Variants in TNR observed in about 807,000 individuals in gnomAD.
The protein encoded by TNR is tenascin-R.
A neutral mutation model predicts 150.4 loss-of-function variants in TNR; 45 were observed. The ratio of observed to expected loss-of-function variants is 0.30; its 90% confidence interval spans 0.24 to 0.38. The LOEUF is 0.38. Ranked by LOEUF, TNR falls within the 10% of genes least tolerant of loss-of-function variation. The pLI, the probability that TNR is intolerant of heterozygous loss-of-function variation, is 1.00. For missense variants in TNR, 1,544 were observed against 1,759.1 expected (o/e 0.88, Z 2.19); for synonymous variants, 687 against 678.4 (o/e 1.01, Z -0.20).
rs565826651 is a variant in TNR at position 175,316,966 on chromosome 1, A to G, written c.*6391T>C. The G allele has an allele frequency of 2.0e-5, 3 of 152,186 alleles. No homozygotes were observed. Among genetic ancestry groups the G allele is most frequent in the Admixed American group, 6.5e-5 (1 of 15,284 alleles). The allele number at this position is 152,186 out of a possible 1,614,324, so 9.4% of individuals were successfully genotyped here. ...GGTGGTCACTCAGCTAAATAAATAT[A>G]AAGAGCAGCCTCATGAAGTGGAAAA... On this transcript the variant is annotated 3_prime_UTR_variant, in exon 23 of 23. Transcript: ENST00000367674.
At chr1:175,372,009 A>ACAGC (rs1652128253) in intron 9 of TNR, among the ~76,000 whole-genome samples, 1 of 151,520 alleles carries the variant, frequency 6.6e-6, no homozygotes, top group African/African-American at 2.4e-5. Flanking sequence ...ATGGGGGTGG[A>ACAGC]TCCCTCATGA....
At chr1:175,347,716 TG>T (rs1409988204) in intron 18 of TNR, among the ~76,000 whole-genome samples, 2 of 152,134 alleles carry the variant, frequency 1.3e-5, no homozygotes, top group Non-Finnish European at 2.9e-5. Flanking sequence ...CCACTGCGCC[TG>T]GCCTAAATAG....
intron 2 of TNR, among the ~76,000 whole-genome samples, chr1:175,515,942 C>T (rs1232000749): frequency 1.3e-5 from 2 of 152,162 alleles, no homozygotes; most frequent in African/African-American, 4.8e-5. Flanking sequence ...AGTGGCAAAC[C>T]TGGAAGGTTC....
intron 2 of TNR, among the ~76,000 whole-genome samples, chr1:175,518,135 A>G (rs1174745674): frequency 6.6e-6 from 1 of 152,234 alleles, no homozygotes; most frequent in Non-Finnish European, 1.5e-5. Flanking sequence ...GAAATATAAT[A>G]CTTCTGTAAG....
chr1:175,365,938 T>C lies in TNR; in HGVS notation c.2254A>G (p.Ile752Val). The C allele has an allele frequency of 6.2e-7, 1 of 1,614,076 alleles. No individual in the cohort carries two copies. Among genetic ancestry groups the C allele is most frequent in the Non-Finnish European group, 8.5e-7 (1 of 1,179,978 alleles). ...CGACCCCTCTCAGCAGTGACGGAAA[T>C]GATGTACTCTGCCCCAGGCTCTAGA... ...TDLEPGAEYI[I>V]SVTAERGRQQ... The change falls in exon 11 of 23, where the codon ATT becomes GTT. Residue 752 changes from isoleucine (I) to valine (V), a missense_variant. By Grantham distance (29) the Ile-to-Val change is conservative. Transcript: ENST00000367674.
At chr1:175,326,989 C>T (rs1476265191) in intron 21 of TNR, among the ~76,000 whole-genome samples, 4 of 150,458 alleles carry the variant, frequency 2.7e-5, no homozygotes, top group African/African-American at 9.8e-5. Flanking sequence ...TTTAAGTTTT[C>T]ACCTCCTCTC....
chr1:175,575,882 C>T (rs932326929), intron 1 of TNR, among the ~76,000 whole-genome samples: 2 of 152,126 alleles, frequency 1.3e-5, no homozygotes, highest in East Asian at 1.9e-4. Flanking sequence ...CCTGCAGATG[C>T]CAGTGGAAAA....
At chr1:175,618,147 C>T (rs1044221922) in intron 1 of TNR, among the ~76,000 whole-genome samples, 5 of 152,222 alleles carry the variant, frequency 3.3e-5, no homozygotes, top group African/African-American at 1.2e-4. Flanking sequence ...TATTTTCATT[C>T]CTTCTCTTAA....
At chr1:175,396,517 G>T (rs756427113) in intron 5 of TNR, 27 bp downstream of exon 5, 10 of 1,599,250 alleles carry the variant, frequency 6.3e-6, no homozygotes, top group African/African-American at 1.3e-5. Flanking sequence ...AAAGAAAAAT[G>T]AAGCAGGACG....
Position 175,317,127 on chromosome 1 carries a change from A to G in TNR, c.*6230T>C, listed in dbSNP as rs1185720189. 6.6e-6 allele frequency: 1 copy of G among 152,244 alleles called. No homozygotes were observed. Among genetic ancestry groups the G allele is most frequent in the African/African-American group, 2.4e-5 (1 of 41,456 alleles). 9.4% of individuals were successfully genotyped at this position (152,244 alleles called of 1,614,324 possible). A position where few individuals can be genotyped will look rare whatever the true frequency, so the allele number is the denominator to read the frequency against. On this transcript the variant is annotated 3_prime_UTR_variant, in exon 23 of 23. Coordinates refer to ENST00000367674, the MANE Select transcript of TNR (RefSeq NM_003285.3). ...AATGGTTAAACCTGACTTAAAGTTT[A>G]TGGTGAGGATTTAGTAAAGTAATAT...
intron 1 of TNR, among the ~76,000 whole-genome samples, chr1:175,710,871 T>C (rs1013836374): frequency 6.6e-6 from 1 of 152,132 alleles, no homozygotes; most frequent in Admixed American, 6.5e-5. Flanking sequence ...TAAAGCATAA[T>C]TAGTTCACCC....
intron 1 of TNR, among the ~76,000 whole-genome samples, chr1:175,574,380 G>T (rs1423777673): frequency 6.6e-6 from 1 of 152,126 alleles, no homozygotes; most frequent in Non-Finnish European, 1.5e-5. Flanking sequence ...GAAAAAAGAA[G>T]AAGAGAGAGA....
At chr1:175,411,329 GT>G (rs1198614060) in intron 2 of TNR, among the ~76,000 whole-genome samples, 2 of 152,162 alleles carry the variant, frequency 1.3e-5, no homozygotes, top group African/African-American at 4.8e-5. Context: ...GAACATTGAG[GT>G]CTTCTCTTTC....
At chr1:175,551,198 C>T (rs552398407) in intron 1 of TNR, among the ~76,000 whole-genome samples, 3 of 152,182 alleles carry the variant, frequency 2.0e-5, no homozygotes, top group African/African-American at 7.2e-5. Flanking sequence ...CATCTGACTT[C>T]CAAGGCAACA....
Position 175,316,443 on chromosome 1 carries a change from C to T in TNR, c.*6914G>A, listed in dbSNP as rs1186415958. ...GAGGTAGCCTAAATCAGTCTACAACCTGCTGGAGTTAGCCTCAAAATTTAT... is the reference window on the plus strand; with the variant it reads ...GAGGTAGCCTAAATCAGTCTACAACTTGCTGGAGTTAGCCTCAAAATTTAT... On this transcript the variant is annotated 3_prime_UTR_variant, in exon 23 of 23. Transcript: ENST00000367674. 9 of 152,240 alleles carry T rather than the reference C, an allele frequency of 5.9e-5. No individual in the cohort carries two copies. Among genetic ancestry groups the T allele is most frequent in the Non-Finnish European group, 1.3e-4 (9 of 68,058 alleles). 9.4% of individuals were successfully genotyped at this position (152,240 alleles called of 1,614,324 possible).
intron 1 of TNR, among the ~76,000 whole-genome samples, chr1:175,581,456 G>A (rs1288421076): frequency 1.3e-5 from 2 of 152,150 alleles, no homozygotes; most frequent in African/African-American, 4.8e-5. Context: ...GGAGTTTCTT[G>A]GGGTCGAGCA....
intron 1 of TNR, among the ~76,000 whole-genome samples, chr1:175,730,558 A>G (rs1020158750): frequency 1.4e-4 from 21 of 152,230 alleles, no homozygotes; most frequent in Admixed American, 1.4e-3. Flanking sequence ...AGAACACTGG[A>G]TGAAAACCCA....
intron 2 of TNR, among the ~76,000 whole-genome samples, chr1:175,433,171 C>A (rs1324945933): frequency 6.6e-6 from 1 of 152,174 alleles, no homozygotes; most frequent in South Asian, 2.1e-4. Context: ...GTCCACAATA[C>A]TAGTGCTGAA....
At chr1:175,570,588 T>C (rs905539201) in intron 1 of TNR, among the ~76,000 whole-genome samples, 12 of 152,220 alleles carry the variant, frequency 7.9e-5, no homozygotes, top group African/African-American at 2.7e-4. Flanking sequence ...CCTTTTCATG[T>C]ACGAAGATTG....
Sources: gnomAD v4.1 joint callset for allele counts (sites outside exome capture counted in the v4.1 genomes callset) on GRCh38, gnomAD v4.1.1 for gene constraint, MANE v1.5 for transcripts, NCBI Gene and HGNC (gene_info 2026-07-23, HGNC 2026-07-21) for gene names.